PEDS1: variants seen among roughly 807,000 people sequenced by gnomAD.
PEDS1 encodes plasmanylethanolamine desaturase 1.
A neutral mutation model predicts 35.2 loss-of-function variants in PEDS1; 14 were observed. The observed-to-expected ratio is 0.40, with a 90% CI of 0.26 to 0.62. The LOEUF (loss-of-function observed/expected upper bound fraction) is 0.62. Ranked by LOEUF, PEDS1 falls within the 20% of genes least tolerant of loss-of-function variation. The probability of loss-of-function intolerance (pLI) is 0.44; values close to 1 mark genes in which losing one functional copy is unlikely to be tolerated. For missense variants in PEDS1, 260 were observed against 367.8 expected, an observed-to-expected ratio of 0.71 and a Z score of 2.40; for synonymous variants, 152 against 152.0, an observed-to-expected ratio of 1.00 and a Z score of 0.00.
intron 5 of PEDS1, among the ~76,000 whole-genome samples, chr20:50,126,585 T>G (rs1468862212): frequency 6.6e-6 from 1 of 152,140 alleles, no homozygotes; most frequent in East Asian, 1.9e-4. Flanking sequence ...AGGTGATATA[T>G]GAAGGAGGCG....
chr20:50,130,086 G>C (rs914772324), intron 3 of PEDS1, among the ~76,000 whole-genome samples: 1 of 152,130 alleles, frequency 6.6e-6, no homozygotes, highest in African/African-American at 2.4e-5. Flanking sequence ...CTTAGTCCAG[G>C]CTCTTCTGAC....
intron 1 of PEDS1, chr20:50,151,217 G>A: frequency 1.5e-6 from 2 of 1,303,574 alleles, no homozygotes; most frequent in Non-Finnish European, 2.0e-6. Flanking sequence ...CCTACCTCCA[G>A]GTCTGGAGGA....
chr20:50,148,983 T>G (rs1308674841), intron 1 of PEDS1, among the ~76,000 whole-genome samples: 1 of 151,924 alleles, frequency 6.6e-6, no homozygotes, highest in Admixed American at 6.6e-5. Flanking sequence ...GCGTGGTGGC[T>G]CACACCTGCA....
chr20:50,125,759 A>C (rs1039634553), intron 5 of PEDS1, among the ~76,000 whole-genome samples: 14 of 151,952 alleles, frequency 9.2e-5, no homozygotes, highest in African/African-American at 3.4e-4. Context: ...TGCCCAGCTA[A>C]GTTTTGTATT....
At position 50,129,154 on chromosome 20, in the gene PEDS1, A is replaced by G. The variant is rs1488639890; in HGVS notation, c.478+392T>C. Among the ~76,000 whole-genome samples the G allele has an allele frequency of 6.6e-6, 1 of 152,196 alleles. No individual in the cohort carries two copies. The highest frequency in any genetic ancestry group is 1.9e-4 in the East Asian group (1 of 5,188). ...CAGGCCCTGTTTTCACAGCCTAGAC[A>G]TTTTCCACTAGGCCACGGTAGCAAA... On this transcript the variant is annotated intron_variant, in intron 4 of 5. Coordinates refer to ENST00000371652, the MANE Select transcript of PEDS1 (RefSeq NM_199129.4). This position sits in a 1 kb window ranked among gnomAD's most constrained non-coding sequence, Gnocchi z 4.2.
rs1268116669 is a variant in PEDS1 at position 50,123,597 on chromosome 20, C to T, written c.*1461G>A. On this transcript the variant is annotated 3_prime_UTR_variant, in exon 6 of 6. Transcript: ENST00000371652. ...TTGTTCTTGCCTCAGGGCCTGTGTA[C>T]TTGCTGTCCCATCAAGAGGCCTCTT... 3 of 152,318 alleles carry T rather than the reference C, an allele frequency of 2.0e-5. No homozygotes were observed. The highest frequency in any genetic ancestry group is 4.8e-5 in the African/African-American group (2 of 41,458). 9.4% of individuals were successfully genotyped at this position (152,318 alleles called of 1,614,324 possible).
chr20:50,143,032 TGA>T (rs778880587), intron 2 of PEDS1, among the ~76,000 whole-genome samples: 7 of 151,966 alleles, frequency 4.6e-5, no homozygotes, highest in East Asian at 1.9e-4. Flanking sequence ...TGTATGCAGA[TGA>T]GAGTGGGGGA....
At chr20:50,134,054 T>C (rs930981615) in intron 2 of PEDS1, among the ~76,000 whole-genome samples, 1 of 152,244 alleles carries the variant, frequency 6.6e-6, no homozygotes, top group African/African-American at 2.4e-5. Context: ...CAAAAGGCCA[T>C]GTGGCCAAGA....
At chr20:50,146,503 C>T (rs1005032251) in intron 1 of PEDS1, among the ~76,000 whole-genome samples, 5 of 152,106 alleles carry the variant, frequency 3.3e-5, no homozygotes, top group African/African-American at 9.7e-5. Context: ...CTCTGGGTGC[C>T]GCTCACCGAC....
intron 2 of PEDS1, among the ~76,000 whole-genome samples, chr20:50,139,996 C>T (rs1299154408): frequency 5.3e-5 from 8 of 152,174 alleles, no homozygotes; most frequent in African/African-American, 9.7e-5. Context: ...TCCTGCTCAA[C>T]ACCTCTCCTT....
chr20:50,138,144 C>T (rs972355889), intron 2 of PEDS1, among the ~76,000 whole-genome samples: 7 of 152,212 alleles, frequency 4.6e-5, no homozygotes, highest in Admixed American at 2.6e-4. Flanking sequence ...CTATCTGCCC[C>T]ATCCTTCTGT....
At position 50,121,081 on chromosome 20, in the gene PEDS1, C is replaced by G. The variant is rs2081047532; in HGVS notation, c.*3977G>C. On this transcript the variant is annotated 3_prime_UTR_variant, in exon 6 of 6. Transcript: ENST00000371652. ...CAGCAGCTGGGAGGGAGGCTGCAGG[C>G]AGTTGGCCTATGCACTCATTTTGTT... The G allele has an allele frequency of 6.6e-6, 1 of 152,318 alleles. No individual in the cohort carries two copies. Among genetic ancestry groups the G allele is most frequent in the Non-Finnish European group, 1.5e-5 (1 of 68,082 alleles). The allele number at this position is 152,318 out of a possible 1,614,324, so 9.4% of individuals were successfully genotyped here.
chr20:50,143,703 T>A, intron 1 of PEDS1, 82 bp from the exon 2 acceptor site: 1 of 861,734 alleles, frequency 1.2e-6, no homozygotes, highest in Non-Finnish European at 1.5e-6. Context: ...TTTCTTTTCT[T>A]TTTTTTTTTT....
rs565276099 is a variant in PEDS1, at chr20:50,118,418, T to C, written c.*6640A>G. ...TGAGACACAGAACGGTTAAGTAACT[T>C]GCCCAAAGTCACAAGCTTGTAAGTG... On this transcript the variant is annotated 3_prime_UTR_variant, in exon 6 of 6. Transcript: ENST00000371652. The C allele has an allele frequency of 6.6e-6, 1 of 152,476 alleles. No homozygotes were observed. The highest frequency in any genetic ancestry group is 2.4e-5 in the African/African-American group (1 of 41,570). The allele number at this position is 152,476 out of a possible 1,614,324, so 9.4% of individuals were successfully genotyped here.
At chr20:50,140,959 T>G (rs2081286188) in intron 2 of PEDS1, among the ~76,000 whole-genome samples, 1 of 152,200 alleles carries the variant, frequency 6.6e-6, no homozygotes, top group Non-Finnish European at 1.5e-5. Context: ...ATGGGGAAGC[T>G]GGTGCTGTGC....
chr20:50,149,857 GT>G (rs2081384580), intron 1 of PEDS1, among the ~76,000 whole-genome samples: 1 of 152,174 alleles, frequency 6.6e-6, no homozygotes, highest in South Asian at 2.1e-4. Flanking sequence ...ACCCGGCCCA[GT>G]CCCGGGTTCC....
intron 2 of PEDS1, among the ~76,000 whole-genome samples, chr20:50,135,443 G>A (rs1050817184): frequency 2.0e-5 from 3 of 152,006 alleles, no homozygotes; most frequent in Admixed American, 1.3e-4. Context: ...CGGATCGCCT[G>A]AGGTCAGGAG....
At chr20:50,132,364 C>T (rs548236422) in intron 2 of PEDS1, among the ~76,000 whole-genome samples, 2 of 152,274 alleles carry the variant, frequency 1.3e-5, no homozygotes, top group South Asian at 4.1e-4. Context: ...ACTGAGGCTT[C>T]CACCCCTGCT....
At position 50,128,048 on chromosome 20, in the gene PEDS1, A is replaced by T; in HGVS notation, c.618T>A (p.His206Gln). The T allele has an allele frequency of 6.2e-7, 1 of 1,614,204 alleles. No individual in the cohort carries two copies. Among genetic ancestry groups the T allele is most frequent in the Non-Finnish European group, 8.5e-7 (1 of 1,180,028 alleles). Residue 206 changes from histidine to glutamine, a missense_variant, in exon 5 of 6, where the codon CAT (histidine) becomes CAA (glutamine). By Grantham distance (24) the His-to-Gln change is conservative. Around this residue, in one of 4 missense-constraint regions of PEDS1, gnomAD observed 83 missense variants for 142.8 expected, o/e 0.58. Transcript: ENST00000371652. The surrounding 1 kb of genome is among the most constrained non-coding windows in gnomAD (Gnocchi z 5.2). ...PRWVTLLQDW[H>Q]VILPRKHHRI... ...GATGGTGTTTACGTGGCAGGATGAC[A>T]TGCCAGTCCTGCAGGAGGGTGACCC...
Sources: allele counts gnomAD v4.1 joint callset (sites outside exome capture counted in the v4.1 genomes callset), GRCh38; gene constraint gnomAD v4.1.1; regional missense constraint gnomAD v4.1.1; non-coding constraint Gnocchi (gnomAD v3.1); transcripts MANE v1.5; gene names NCBI Gene and HGNC (gene_info 2026-07-23, HGNC 2026-07-21).